The following KPNA3 variants were observed in gnomAD, a reference collection of about 807,000 sequenced individuals.
KPNA3 encodes importin subunit alpha-4.
A neutral mutation model predicts 73.8 loss-of-function variants in KPNA3; 13 were observed. The observed-to-expected ratio is 0.18, with a 90% confidence interval of 0.11 to 0.28. The LOEUF is 0.28. KPNA3 is among the 10% of genes least tolerant of loss of function. The pLI, the probability that KPNA3 is intolerant of heterozygous loss-of-function variation, is 1.00. For missense variants in KPNA3, 360 were observed against 618.1 expected (o/e 0.58, Z 4.43); for synonymous variants, 186 against 206.9 (o/e 0.90, Z 0.87).
chr13:49,783,779 A>G (rs1954959767), intron 1 of KPNA3, among the ~76,000 whole-genome samples: 1 of 152,190 alleles, frequency 6.6e-6, no homozygotes, highest in South Asian at 2.1e-4. Flanking sequence ...AATTCACTTC[A>G]CAAACTGTTA....
intron 1 of KPNA3, among the ~76,000 whole-genome samples, chr13:49,783,056 C>T (rs1954954200): frequency 6.6e-6 from 1 of 151,926 alleles, no homozygotes; most frequent in South Asian, 2.1e-4. Context: ...ACTCCACAAG[C>T]GTAAAAATCA....
At chr13:49,706,891 G>A (rs373956939) in intron 12 of KPNA3, among the ~76,000 whole-genome samples, 14 of 152,164 alleles carry the variant, frequency 9.2e-5, no homozygotes, top group African/African-American at 2.9e-4. Context: ...TGGGACTACA[G>A]GCACCTGTCA....
chr13:49,700,158 T>TGG lies in KPNA3; in HGVS notation c.*1641_*1642insCC, dbSNP rs1166160397. 1 of 152,638 alleles carries TGG rather than the reference T, an allele frequency of 6.6e-6. No individual in the cohort carries two copies. Among genetic ancestry groups the TGG allele is most frequent in the East Asian group, 1.9e-4 (1 of 5,204 alleles). 9.5% of individuals were successfully genotyped at this position (152,638 alleles called of 1,614,324 possible). A position where few individuals can be genotyped will look rare whatever the true frequency, so the allele number is the denominator to read the frequency against. On this transcript the variant is annotated 3_prime_UTR_variant, in exon 17 of 17. Transcript: ENST00000261667. ...TTAGATACAAGACAAAACTCACTCT[T>TGG]TAAAGTGGCTCCACCTTGGCAGATA...
At chr13:49,753,025 TCAAAAAAA>T (rs1205907425) in intron 1 of KPNA3, among the ~76,000 whole-genome samples, 1 of 17,460 alleles carries the variant, frequency 5.7e-5, no homozygotes, top group African/African-American at 1.8e-4. Flanking sequence ...AGACTCTGTC[TCAAAAAAA>T]AAAAAAAAAA....
chr13:49,719,070 T>C (rs1395694676), intron 10 of KPNA3, among the ~76,000 whole-genome samples: 2 of 152,134 alleles, frequency 1.3e-5, no homozygotes, highest in African/African-American at 4.8e-5. Flanking sequence ...TCCACTGTTT[T>C]ACTCCATGGA....
At chr13:49,713,665 ACACACACAC>A (rs1954280589) in intron 10 of KPNA3, among the ~76,000 whole-genome samples, 4 of 151,668 alleles carry the variant, frequency 2.6e-5, no homozygotes, top group South Asian at 2.1e-4. Flanking sequence ...ACACACACAC[ACACACACAC>A]AAAACAGAAA....
chr13:49,766,941 T>A (rs1954812372), intron 1 of KPNA3, among the ~76,000 whole-genome samples: 2 of 144,946 alleles, frequency 1.4e-5, no homozygotes, highest in Non-Finnish European at 3.0e-5. Flanking sequence ...TACAAATAAC[T>A]GAAATGGGAT....
At chr13:49,741,154 A>C (rs576309050) in intron 2 of KPNA3, among the ~76,000 whole-genome samples, 1 of 152,306 alleles carries the variant, frequency 6.6e-6, no homozygotes, top group South Asian at 2.1e-4. Context: ...TTGGATATAT[A>C]CACAGTAGTG....
intron 1 of KPNA3, among the ~76,000 whole-genome samples, chr13:49,779,195 A>G (rs953041811): frequency 1.3e-5 from 2 of 152,138 alleles, no homozygotes; most frequent in African/African-American, 4.8e-5. Context: ...GCTAAATCTT[A>G]TATAATTAAC....
Position 49,700,216 on chromosome 13 carries a change from T to C in KPNA3, c.*1584A>G, listed in dbSNP as rs1954134897. The stretch of plus-strand genomic sequence containing the variant: ...TTGTAATGAATGCACACCTGCTATG[T>C]GTTGTTTATCAGTGAAAACACCCCA... On this transcript the variant is annotated 3_prime_UTR_variant, in exon 17 of 17. Transcript: ENST00000261667. The C allele has an allele frequency of 6.6e-6, 1 of 152,632 alleles. No individual in the cohort carries two copies. The highest frequency in any genetic ancestry group is 6.5e-5 in the Admixed American group (1 of 15,278). The allele number at this position is 152,632 out of a possible 1,614,324, so 9.5% of individuals were successfully genotyped here.
At position 49,706,273 on chromosome 13, in the gene KPNA3, C is replaced by A; in HGVS notation, c.1132G>T (p.Ala378Ser). Reference sequence around the variant, plus strand: ...GAACTCATAATATGACCAACCTTAGCAAGCTGATGAATTATCATAGGAATT... The same window carrying A: ...GAACTCATAATATGACCAACCTTAGAAAGCTGATGAATTATCATAGGAATT... ...GLIPMIIHQL[A>S]KGDFGTQKEA... The change falls in exon 13 of 17, where the codon GCT becomes TCT. Residue 378 changes from alanine to serine, a missense_variant. Physicochemically the swap from Ala to Ser is moderately conservative, Grantham distance 99. This residue lies in a region of KPNA3 where 287 missense variants were observed against 549.1 expected (regional missense o/e 0.52). Coordinates refer to ENST00000261667, the MANE Select transcript of KPNA3 (RefSeq NM_002267.4). 1 of 1,613,564 alleles carries A rather than the reference C, an allele frequency of 6.2e-7. No individual in the cohort carries two copies. Among genetic ancestry groups the A allele is most frequent in the Non-Finnish European group, 8.5e-7 (1 of 1,179,686 alleles).
intron 2 of KPNA3, among the ~76,000 whole-genome samples, chr13:49,745,665 T>C (rs1223761982): frequency 6.6e-6 from 1 of 152,130 alleles, no homozygotes; most frequent in Non-Finnish European, 1.5e-5. Flanking sequence ...CCCAAGATGG[T>C]AATTCAATAT....
chr13:49,768,807 G>T (rs567082477), intron 1 of KPNA3, among the ~76,000 whole-genome samples: 2 of 152,162 alleles, frequency 1.3e-5, no homozygotes, highest in African/African-American at 4.8e-5. Flanking sequence ...AAACTGCCAA[G>T]AATTTGGACA....
intron 1 of KPNA3, among the ~76,000 whole-genome samples, chr13:49,761,314 A>G (rs1399076853): frequency 1.3e-5 from 2 of 151,966 alleles, no homozygotes; most frequent in African/African-American, 2.4e-5. Flanking sequence ...TACTGCTGCC[A>G]TCTCGGCTCA....
intron 1 of KPNA3, among the ~76,000 whole-genome samples, chr13:49,759,283 G>A (rs891843050): frequency 9.9e-5 from 15 of 151,984 alleles, no homozygotes; most frequent in Non-Finnish European, 5.9e-5. Context: ...TTTATCATGG[G>A]GTAATCTAAC....
At chr13:49,705,002 G>T (rs1049842255) in intron 15 of KPNA3, among the ~76,000 whole-genome samples, 1 of 152,200 alleles carries the variant, frequency 6.6e-6, no homozygotes, top group Admixed American at 6.5e-5. Flanking sequence ...ATGTAGTGTT[G>T]TAAGGGCTCT....
intron 2 of KPNA3, among the ~76,000 whole-genome samples, chr13:49,734,930 T>TAG (rs1954506310): frequency 1.1e-5 from 1 of 88,570 alleles, no homozygotes; most frequent in African/African-American, 3.3e-5. Flanking sequence ...CACATATATA[T>TAG]ATATATATAG....
chr13:49,791,392 T>C (rs939289146), intron 1 of KPNA3, among the ~76,000 whole-genome samples: 1 of 152,232 alleles, frequency 6.6e-6, no homozygotes, highest in East Asian at 1.9e-4. Context: ...TTATACTTAC[T>C]GTTTTCAGTA....
intron 1 of KPNA3, among the ~76,000 whole-genome samples, chr13:49,765,480 G>T (rs1393251714): frequency 6.6e-6 from 1 of 152,072 alleles, no homozygotes; most frequent in East Asian, 1.9e-4. Context: ...ATTTCACTGA[G>T]TTATAAAACT....
Sources: gnomAD v4.1 joint callset for allele counts (sites outside exome capture counted in the v4.1 genomes callset) on GRCh38, gnomAD v4.1.1 for gene constraint, gnomAD v4.1.1 regional missense constraint, MANE v1.5 for transcripts, NCBI Gene and HGNC (gene_info 2026-07-23, HGNC 2026-07-21) for gene names.